Variants in GGA3 observed in about 807,000 individuals in gnomAD.
GGA3 encodes golgi associated, gamma adaptin ear containing, ARF binding protein 3, also known as ADP-ribosylation factor-binding protein GGA3.
A neutral mutation model predicts 77.5 loss-of-function variants in GGA3; 57 were observed. The observed-to-expected ratio is 0.74, with a 90% CI of 0.59 to 0.92. GGA3 has a LOEUF of 0.92. Among genes scored for constraint, GGA3 ranks in the 40% least tolerant of loss-of-function variants. The pLI is 0.00. For missense variants in GGA3, 970 were observed against 914.9 expected (o/e 1.06, Z -0.78); for synonymous variants, 416 against 383.7 (o/e 1.08, Z -0.98).
chr17:75,249,656 C>T (rs562214332), intron 1 of GGA3, among the ~76,000 whole-genome samples: 12 of 152,302 alleles, frequency 7.9e-5, no homozygotes, highest in African/African-American at 2.9e-4. Context: ...ATTGAATGGT[C>T]TGAGAAGCAA....
At chr17:75,242,027 T>A in intron 8 of GGA3, 1 of 540,664 alleles carries the variant, frequency 1.8e-6, no homozygotes, top group East Asian at 3.2e-5. Flanking sequence ...AGGAAGCCTC[T>A]CTGTCTTGAT....
At chr17:75,243,621 G>A (rs1292301203) in intron 4 of GGA3, 51 bp from the exon 5 acceptor site, 2 of 1,587,860 alleles carry the variant, frequency 1.3e-6, no homozygotes, top group East Asian at 2.2e-5. Flanking sequence ...CGGAGGCAGA[G>A]AAAGTGTAAG....
chr17:75,240,272 C>T, intron 12 of GGA3, 70 bp downstream of exon 12: 1 of 1,223,542 alleles, frequency 8.2e-7, no homozygotes, highest in Non-Finnish European at 1.2e-6. Flanking sequence ...TAACTGCAGC[C>T]CAGGAGACAT....
chr17:75,252,915 A>C (rs12950709), intron 1 of GGA3, among the ~76,000 whole-genome samples: 2 of 152,154 alleles, frequency 1.3e-5, no homozygotes, highest in African/African-American at 4.8e-5. Flanking sequence ...CCCAAAACCT[A>C]TAAGAACTAA....
chr17:75,242,060 GGA>G lies in GGA3; in HGVS notation c.747+274_747+275del, dbSNP rs60263711. The G allele has an allele frequency of 1.5e-3, 833 of 558,720 alleles. 9 individuals carry two copies. The highest frequency in any genetic ancestry group is 0.013 in the African/African-American group (689 of 53,276). 34.6% of individuals were successfully genotyped at this position (558,720 alleles called of 1,614,324 possible). ...GATGTCCCCAAGGTAGTAAGGAAAG[GGA>G]GAGAGCAGGGGTGAGCACCGAGAGT... is the stretch of plus-strand genomic sequence containing the variant. On this transcript the variant is annotated intron_variant, in intron 8 of 16. Transcript: ENST00000537686.
intron 1 of GGA3, among the ~76,000 whole-genome samples, chr17:75,247,219 A>G (rs2076790448): frequency 6.6e-6 from 1 of 152,114 alleles, no homozygotes; most frequent in African/African-American, 2.4e-5. Flanking sequence ...GGGAAACTGA[A>G]ATCAGACTGA....
chr17:75,237,258 G>T lies in GGA3; in HGVS notation c.*1021C>A. The T allele has an allele frequency of 1.7e-6, 1 of 604,592 alleles. No homozygotes were observed. The highest frequency in any genetic ancestry group is 3.0e-6 in the Non-Finnish European group (1 of 338,546). The allele number at this position is 604,592 out of a possible 1,614,324, so 37.5% of individuals were successfully genotyped here. A position where few individuals can be genotyped will look rare whatever the true frequency, so the allele number is the denominator to read the frequency against. ...AACATCTCGCTGACAGTGCCCCTCA[G>T]TAGCTGGGGAACAGTTGAGGTTTCT... is the stretch of plus-strand genomic sequence containing the variant. On this transcript the variant is annotated 3_prime_UTR_variant, in exon 17 of 17. Transcript: ENST00000537686.
chr17:75,250,834 T>A (rs927277561), intron 1 of GGA3, among the ~76,000 whole-genome samples: 1 of 150,760 alleles, frequency 6.6e-6, no homozygotes, highest in African/African-American at 2.4e-5. Flanking sequence ...TCCCAGCACT[T>A]TGGGAGGCCG....
At chr17:75,249,806 C>T (rs772163056) in intron 1 of GGA3, among the ~76,000 whole-genome samples, 2 of 152,182 alleles carry the variant, frequency 1.3e-5, no homozygotes, top group African/African-American at 2.4e-5. Flanking sequence ...CCCCAACCCC[C>T]GAAGCAACTG....
intron 12 of GGA3, 113 bp from the exon 13 acceptor site, chr17:75,240,221 G>A: frequency 8.7e-7 from 1 of 1,147,230 alleles, no homozygotes; most frequent in Non-Finnish European, 1.3e-6. Flanking sequence ...GGCACTCATT[G>A]TTCCCCGCTG....
chr17:75,246,784 T>C lies in GGA3; in HGVS notation c.53A>G (p.Asn18Ser), dbSNP rs2076773278. Residue 18 changes from asparagine (N) to serine (S), a missense_variant, in exon 2 of 17, where the codon AAT becomes AGT. Asn to Ser is a conservative substitution (Grantham distance 46). Transcript: ENST00000537686. ...CCAGTCCTCCTGGCGGTTGGAAGGA[T>C]TGGTGGCTTTATCTTGCAACACAAC... ...SLESWLNKAT[N>S]PSNRQEDWEY... 1.9e-6 allele frequency: 3 copies of C among 1,612,334 alleles called. No homozygotes were observed. The highest frequency in any genetic ancestry group is 2.7e-5 in the African/African-American group (2 of 75,018).
Position 75,239,915 on chromosome 17 carries a change from G to A in GGA3, c.1457C>T (p.Thr486Ile), listed in dbSNP as rs756702602. Residue 486 changes from threonine (T) to isoleucine (I), a missense_variant, in exon 13 of 17, where the codon ACT (threonine) becomes ATT (isoleucine). Transcript: ENST00000537686. ...TGGGGCCAAGGCTGGGGCCACTCCAGTAGAAAACAAGGAGGAGCCCGCACT... is the reference window on the plus strand; with the variant it reads ...TGGGGCCAAGGCTGGGGCCACTCCAATAGAAAACAAGGAGGAGCCCGCACT... The part of the protein sequence containing the change: ...APSAGSSLFS[T>I]GVAPALAPKV... 6 of 1,611,500 alleles carry A rather than the reference G, an allele frequency of 3.7e-6. No homozygotes were observed. The highest frequency in any genetic ancestry group is 2.2e-5 in the South Asian group (2 of 90,792).
intron 10 of GGA3, among the ~76,000 whole-genome samples, 164 bp from the exon 11 acceptor site, chr17:75,241,221 G>T (rs2076544308): frequency 6.6e-6 from 1 of 152,164 alleles, no homozygotes. Context: ...AAAGCAGGTG[G>T]GGAAATTCCT....
At chr17:75,239,684 T>C (rs1447902708) in intron 13 of GGA3, 105 bp downstream of exon 13, 6 of 1,464,742 alleles carry the variant, frequency 4.1e-6, no homozygotes, top group Non-Finnish European at 5.7e-6. Context: ...CCTTCCAGCC[T>C]GACTGATGGG....
chr17:75,262,342 G>C (rs562787764), upstream of GGA3: 2 of 831,912 alleles, frequency 2.4e-6, no homozygotes, highest in Non-Finnish European at 3.9e-6. Flanking sequence ...CTCCTACTTG[G>C]GACAAGGGCC....
At chr17:75,246,605 A>G in intron 2 of GGA3, 21 bp from the exon 3 acceptor site, 2 of 1,608,132 alleles carry the variant, frequency 1.2e-6, no homozygotes, top group Non-Finnish European at 8.5e-7. Context: ...AGCAGAACAC[A>G]CTCCAGTGCA....
At chr17:75,248,760 TG>T (rs771210275) in intron 1 of GGA3, 114 of 746,870 alleles carry the variant, frequency 1.5e-4, no homozygotes, top group Non-Finnish European at 1.8e-4. Flanking sequence ...CACTCCAGCC[TG>T]GGCAACAAGT....
chr17:75,239,279 C>G, intron 14 of GGA3, 96 bp downstream of exon 14: 1 of 1,164,236 alleles, frequency 8.6e-7, no homozygotes, highest in Non-Finnish European at 1.2e-6. Flanking sequence ...AAGGGACCCC[C>G]TGCAAAGAGT....
Position 75,240,869 on chromosome 17 carries a change from C to A in GGA3, c.1135G>T (p.Gly379Trp). 5 of 1,613,490 alleles carry A rather than the reference C, an allele frequency of 3.1e-6. No individual in the cohort carries two copies. Among genetic ancestry groups the A allele is most frequent in the Non-Finnish European group, 4.2e-6 (5 of 1,179,854 alleles). ...RSSSQAEATLGPSSTSNALSW... is the reference protein window; with the variant it reads ...RSSSQAEATLWPSSTSNALSW... The stretch of plus-strand genomic sequence containing the variant: ...AGGGCGTTGCTTGTGCTGCTGGGCC[C>A]CAGGGTGGCCTCGGCCTGGCTAGAG... Residue 379 changes from glycine to tryptophan, a missense_variant, in exon 11 of 17, where the codon GGG (glycine) becomes TGG (tryptophan). Coordinates refer to ENST00000537686, the MANE Select transcript of GGA3 (RefSeq NM_138619.4).
Sources: gnomAD v4.1 joint callset for allele counts (sites outside exome capture counted in the v4.1 genomes callset) on GRCh38, gnomAD v4.1.1 for gene constraint, MANE v1.5 for transcripts, NCBI Gene and HGNC (gene_info 2026-07-23, HGNC 2026-07-21) for gene names.